The following CADPS variants were observed in gnomAD, a reference collection of about 807,000 sequenced individuals.
CADPS encodes the protein calcium dependent secretion activator, also known as calcium-dependent secretion activator 1.
A neutral mutation model predicts 167.3 loss-of-function variants in CADPS; 57 were observed. The observed-to-expected ratio is 0.34, with a 90% CI of 0.28 to 0.42. The LOEUF is 0.42. Ranked by LOEUF, CADPS falls within the 20% of genes least tolerant of loss-of-function variation. CADPS has a pLI of 1.00. For missense variants in CADPS, 1,414 were observed against 1,738.1 expected (o/e 0.81, Z 3.32); for synonymous variants, 676 against 635.3 (o/e 1.06, Z -0.96).
chr3:62,431,275 C>T (rs557820090), intron 28 of CADPS, among the ~76,000 whole-genome samples: 1 of 152,150 alleles, frequency 6.6e-6, no homozygotes, highest in Non-Finnish European at 1.5e-5. Flanking sequence ...TGGACTGTGA[C>T]CCTCTGATTT....
chr3:62,461,950 A>G (rs2059400416), intron 26 of CADPS, among the ~76,000 whole-genome samples: 1 of 152,228 alleles, frequency 6.6e-6, no homozygotes. Context: ...AGTAAATAGA[A>G]GTTGAGTAAA....
intron 1 of CADPS, among the ~76,000 whole-genome samples, chr3:62,866,118 T>C (rs1166030655): frequency 6.6e-6 from 1 of 152,126 alleles, no homozygotes; most frequent in East Asian, 1.9e-4. Context: ...GATTCACCCA[T>C]TGCAAGGGAT....
At chr3:62,824,183 GAAAA>G (rs1023581720) in intron 1 of CADPS, among the ~76,000 whole-genome samples, 1 of 137,826 alleles carries the variant, frequency 7.3e-6, no homozygotes, top group African/African-American at 2.7e-5. Context: ...AAAAAAAAAA[GAAAA>G]AAGAAAGAAA....
chr3:62,874,039 C>G lies in CADPS; in HGVS notation c.441+550G>C, dbSNP rs1577740098. Among the ~76,000 whole-genome samples the G allele has an allele frequency of 6.6e-6, 1 of 152,220 alleles. No homozygotes were observed. The highest frequency in any genetic ancestry group is 6.5e-5 in the Admixed American group (1 of 15,292). Reference sequence around the variant, plus strand: ...GTCACGGGAAGCTTCGCCTTCTGGGCTTGCTTTCTCCCGCCTGCCCCTGCG... The same window carrying G: ...GTCACGGGAAGCTTCGCCTTCTGGGGTTGCTTTCTCCCGCCTGCCCCTGCG... On this transcript the variant is annotated intron_variant, in intron 1 of 29. Transcript: ENST00000383710. This position sits in a 1 kb window ranked among gnomAD's most constrained non-coding sequence, Gnocchi z 7.1.
At chr3:62,823,939 T>A (rs2073507684) in intron 1 of CADPS, among the ~76,000 whole-genome samples, 1 of 152,132 alleles carries the variant, frequency 6.6e-6, no homozygotes, top group Non-Finnish European at 1.5e-5. Flanking sequence ...ACACGGCCCA[T>A]GTTTTTCTGC....
intron 18 of CADPS, chr3:62,498,077 A>T (rs2151247914): frequency 4.4e-6 from 2 of 455,732 alleles, no homozygotes; most frequent in Middle Eastern, 3.3e-4. Context: ...CCATTAGAAG[A>T]CATGGTACTG....
chr3:62,508,326 T>C (rs1049736059), intron 17 of CADPS, among the ~76,000 whole-genome samples: 1 of 152,240 alleles, frequency 6.6e-6, no homozygotes, highest in Non-Finnish European at 1.5e-5. Flanking sequence ...TTGATTTTTC[T>C]AGCTGTCAAT....
chr3:62,447,033 A>G (rs17066404), intron 26 of CADPS, among the ~76,000 whole-genome samples: 9,198 of 152,246 alleles, frequency 0.06, 299 homozygotes, highest in African/African-American at 0.08. Flanking sequence ...TCTTTTCTCA[A>G]TGCTAGTTTC....
chr3:62,706,154 G>C (rs1159106508), intron 3 of CADPS, among the ~76,000 whole-genome samples: 1 of 151,950 alleles, frequency 6.6e-6, no homozygotes, highest in Non-Finnish European at 1.5e-5. Context: ...CTTTTGCTTG[G>C]GATTCCCCAG....
chr3:62,492,191 C>T, intron 20 of CADPS, 99 bp downstream of exon 20: 2 of 969,394 alleles, frequency 2.1e-6, no homozygotes, highest in Non-Finnish European at 3.2e-6. Flanking sequence ...CCATGAAGAG[C>T]TATGTCAAGC....
chr3:62,408,929 G>T (rs1344947624), intron 28 of CADPS, among the ~76,000 whole-genome samples: 1 of 152,176 alleles, frequency 6.6e-6, no homozygotes, highest in East Asian at 1.9e-4. Flanking sequence ...TTTCAGCAAA[G>T]TACTATTTTG....
At chr3:62,632,260 G>T (rs927228016) in intron 6 of CADPS, among the ~76,000 whole-genome samples, 1 of 152,018 alleles carries the variant, frequency 6.6e-6, no homozygotes, top group Non-Finnish European at 1.5e-5. Flanking sequence ...CTGGATATAG[G>T]GATCATGAGT....
rs1319586493 is a variant in CADPS at position 62,478,302 on chromosome 3, C to T, written c.3288G>A (p.Leu1096=). ...EEFGKHLEQR[L]KLMASDMIES... is the part of the protein sequence containing the mutation. ...CGATCATGTCACTTGCCATCAACTT[C>T]AGCCGTTGTTCCAGGTGCTTTCCAA... Residue 1096 remains leucine (L), a synonymous_variant, in exon 23 of 30, where the codon CTG becomes CTA. Coordinates refer to ENST00000383710, the MANE Select transcript of CADPS (RefSeq NM_003716.4). The surrounding 1 kb of genome is among the most constrained non-coding windows in gnomAD (Gnocchi z 5.7). 5.0e-6 allele frequency: 8 copies of T among 1,613,774 alleles called. No homozygotes were observed. The Admixed American group carries it at 1.3e-4, about 27-fold the overall frequency.
At chr3:62,754,954 T>A (rs1170730986) in intron 2 of CADPS, among the ~76,000 whole-genome samples, 1 of 152,230 alleles carries the variant, frequency 6.6e-6, no homozygotes, top group Non-Finnish European at 1.5e-5. Flanking sequence ...TCCTGAAATG[T>A]AAACTCTACT....
intron 1 of CADPS, among the ~76,000 whole-genome samples, chr3:62,791,569 T>C (rs181509806): frequency 3.5e-4 from 53 of 152,300 alleles, no homozygotes; most frequent in African/African-American, 1.2e-3. Flanking sequence ...ATGAGAAGCA[T>C]TGCTCTAGAG....
chr3:62,460,956 T>C (rs937399406), intron 26 of CADPS, among the ~76,000 whole-genome samples: 1 of 152,188 alleles, frequency 6.6e-6, no homozygotes, highest in Non-Finnish European at 1.5e-5. Flanking sequence ...GTCTGAATTC[T>C]AGGGGACTTG....
rs2055579730 is a variant in CADPS, at chr3:62,438,340, A to G, written c.3670-129T>C. The G allele has an allele frequency of 3.0e-6, 2 of 663,882 alleles. No individual in the cohort carries two copies. Among genetic ancestry groups the G allele is most frequent in the Non-Finnish European group, 5.4e-6 (2 of 370,120 alleles). 41.1% of individuals were successfully genotyped at this position (663,882 alleles called of 1,614,324 possible). Reference sequence around the variant, plus strand: ...CTTCTGCTGGATCAGCTTTGTAGGCATGGGATTGCTGTCCACAGCCTGGGC... The same window carrying G: ...CTTCTGCTGGATCAGCTTTGTAGGCGTGGGATTGCTGTCCACAGCCTGGGC... On this transcript the variant is annotated intron_variant, in intron 27 of 29. Transcript: ENST00000383710. This position sits in a 1 kb window ranked among gnomAD's most constrained non-coding sequence, Gnocchi z 4.7.
At chr3:62,776,105 A>G (rs563371282) in intron 1 of CADPS, among the ~76,000 whole-genome samples, 1 of 152,324 alleles carries the variant, frequency 6.6e-6, no homozygotes, top group African/African-American at 2.4e-5. Context: ...TTCCAGGGTC[A>G]TGTGGACTAT....
intron 16 of CADPS, 67 bp from the exon 17 acceptor site, chr3:62,512,835 T>C: frequency 7.1e-7 from 1 of 1,417,422 alleles, no homozygotes; most frequent in Non-Finnish European, 9.8e-7. Context: ...GCAGAATTAA[T>C]GAGCAAGTGG....
Sources: allele counts gnomAD v4.1 joint callset (sites outside exome capture counted in the v4.1 genomes callset), GRCh38; gene constraint gnomAD v4.1.1; non-coding constraint Gnocchi (gnomAD v3.1); transcripts MANE v1.5; gene names NCBI Gene and HGNC (gene_info 2026-07-23, HGNC 2026-07-21).